CC2D2A: variants seen among roughly 807,000 people sequenced by gnomAD.
The protein encoded by CC2D2A is coiled-coil and C2 domain containing 2A.
CC2D2A carries 155 observed loss-of-function variants against 212.9 expected under a neutral mutation model. The ratio of observed to expected loss-of-function variants is 0.73; its 90% CI spans 0.64 to 0.83. The LOEUF (loss-of-function observed/expected upper bound fraction) is 0.83. Among genes scored for constraint, CC2D2A ranks in the 40% least tolerant of loss-of-function variants. The probability of loss-of-function intolerance (pLI) is 0.00; values close to 1 mark genes in which losing one functional copy is unlikely to be tolerated. For missense variants in CC2D2A, 1,856 were observed against 1,956.2 expected (o/e 0.95, Z 0.97); for synonymous variants, 667 against 686.5 (o/e 0.97, Z 0.44).
intron 2 of CC2D2A, among the ~76,000 whole-genome samples, chr4:15,478,442 T>A (rs925477907): frequency 6.6e-6 from 1 of 152,222 alleles, no homozygotes; most frequent in Non-Finnish European, 1.5e-5. Context: ...ACATAGTAAA[T>A]GCTCAATAAA....
At chr4:15,524,383 G>C (rs1453325161) in intron 11 of CC2D2A, among the ~76,000 whole-genome samples, 1 of 151,486 alleles carries the variant, frequency 6.6e-6, no homozygotes, top group Admixed American at 6.6e-5. Flanking sequence ...CACCCGCCTT[G>C]GCCTCCCAAA....
rs1720585942 is a variant in CC2D2A at position 15,579,954 on chromosome 4, C to G, written c.3772-14C>G. 2 of 1,603,808 alleles carry G rather than the reference C, an allele frequency of 1.2e-6. No individual in the cohort carries two copies. The highest frequency in any genetic ancestry group is 1.7e-5 in the Admixed American group (1 of 59,886). On this transcript the variant is annotated splice_polypyrimidine_tract_variant and intron_variant, in intron 29 of 36. Coordinates refer to ENST00000424120, the MANE Select transcript of CC2D2A (RefSeq NM_001378615.1). ...TAATCATACATAAACTCCATGAAGT[C>G]TTTCTTTTTGAAGTTTGAGTCTCAG...
intron 10 of CC2D2A, among the ~76,000 whole-genome samples, chr4:15,516,285 T>A (rs1214499409): frequency 6.6e-6 from 1 of 152,252 alleles, no homozygotes; most frequent in South Asian, 2.1e-4. Context: ...ACAGAATTTT[T>A]AAATTATCCA....
At chr4:15,528,008 TTC>T (rs1297041984) in intron 12 of CC2D2A, among the ~76,000 whole-genome samples, 4 of 152,202 alleles carry the variant, frequency 2.6e-5, no homozygotes, top group African/African-American at 7.2e-5. Context: ...CTTAGAAACA[TTC>T]TCATCTTGAT....
In CC2D2A at chr4:15,579,962, TTG is replaced by T. The variant is rs1484994421; in HGVS notation, c.3772-5_3772-4del. 1.2e-6 allele frequency: 2 copies of T among 1,609,970 alleles called. No homozygotes were observed. Among genetic ancestry groups the T allele is most frequent in the African/African-American group, 2.7e-5 (2 of 74,786 alleles). On this transcript the variant is annotated splice_polypyrimidine_tract_variant and splice_region_variant and intron_variant, in intron 29 of 36. Coordinates refer to ENST00000424120, the MANE Select transcript of CC2D2A (RefSeq NM_001378615.1). ...CATAAACTCCATGAAGTCTTTCTTT[TTG>T]AAGTTTGAGTCTCAGGAAGATGAGA...
Position 15,601,296 on chromosome 4 carries a change from G to GTA in CC2D2A, c.4737_4738dup (p.Ser1580IlefsTer17). 6.2e-7 allele frequency: 1 copy of GTA among 1,612,654 alleles called. No individual in the cohort carries two copies. The highest frequency in any genetic ancestry group is 1.1e-5 in the South Asian group (1 of 90,912). Reference sequence around the variant, plus strand: ...AAGTGAAGCCTTTAATTGACGCTGTGTATAGTACTGGAGTACATAATATTG... The same window carrying GTA: ...AAGTGAAGCCTTTAATTGACGCTGTGTATATAGTACTGGAGTACATAATATTG... On this transcript the variant is annotated frameshift_variant, in exon 37 of 37. Coordinates refer to ENST00000424120, the MANE Select transcript of CC2D2A (RefSeq NM_001378615.1). LOFTEE classifies it high-confidence loss of function.
intron 2 of CC2D2A, 72 bp from the exon 3 acceptor site, chr4:15,478,651 T>C: frequency 8.3e-7 from 1 of 1,198,794 alleles, no homozygotes; most frequent in Non-Finnish European, 1.2e-6. Flanking sequence ...GATGGGAGTT[T>C]TAATTTTAAT....
At chr4:15,519,609 G>A in intron 11 of CC2D2A, 1 of 436,012 alleles carries the variant, frequency 2.3e-6, no homozygotes, top group South Asian at 1.7e-5. Flanking sequence ...AGGTTTAATG[G>A]ACTTACAGTT....
chr4:15,570,889 G>GA (rs1026907519), intron 28 of CC2D2A, among the ~76,000 whole-genome samples: 45 of 151,916 alleles, frequency 3.0e-4, no homozygotes, highest in African/African-American at 1.1e-3. Flanking sequence ...CTCCATGTCA[G>GA]AAAAAACAAA....
chr4:15,510,463 G>A (rs558886620), intron 7 of CC2D2A, among the ~76,000 whole-genome samples: 1 of 152,238 alleles, frequency 6.6e-6, no homozygotes, highest in East Asian at 1.9e-4. Flanking sequence ...AGACATGGTG[G>A]CACACACCTG....
At chr4:15,478,827 G>T (rs1308530429) in intron 3 of CC2D2A, 21 bp downstream of exon 3, 12 of 1,530,614 alleles carry the variant, frequency 7.8e-6, no homozygotes, top group Non-Finnish European at 1.1e-5. Flanking sequence ...ACAAGAAACT[G>T]TGTCTGCGTA....
chr4:15,545,113 C>G (rs747644778), intron 17 of CC2D2A, among the ~76,000 whole-genome samples: 8 of 152,224 alleles, frequency 5.3e-5, no homozygotes, highest in Admixed American at 1.3e-4. Flanking sequence ...TACTGTATTT[C>G]AAGTCTCTAG....
In CC2D2A at chr4:15,560,844, C is replaced by G. The variant is rs67222859; in HGVS notation, c.3014+222C>G. Among the ~76,000 whole-genome samples the G allele has an allele frequency of 0.14, 21,176 of 152,136 alleles. 1,556 individuals are homozygous for G. Among genetic ancestry groups the G allele is most frequent in the Non-Finnish European group, 0.15 (10,290 of 67,966 alleles). The stretch of plus-strand genomic sequence containing the variant: ...GCCTCTCCCATTGCATTCCAACAAA[C>G]CCCATCTCACCTCCCCTACTTCCAA... On this transcript the variant is annotated intron_variant, in intron 23 of 36. Transcript: ENST00000424120.
At chr4:15,499,276 G>A (rs577639022) in intron 4 of CC2D2A, among the ~76,000 whole-genome samples, 97 of 152,252 alleles carry the variant, frequency 6.4e-4, no homozygotes, top group African/African-American at 2.1e-3. Flanking sequence ...GGTGATTGAT[G>A]CGTCAATGAA....
rs749186859 is a variant in CC2D2A at position 15,553,313 on chromosome 4, A to G, written c.2486+8A>G. 6.8e-6 allele frequency: 11 copies of G among 1,611,344 alleles called. No homozygotes were observed. The highest frequency in any genetic ancestry group is 2.2e-5 in the East Asian group (1 of 44,744). The stretch of plus-strand genomic sequence containing the variant: ...GAACATCGGATTTCGGAGGTAATAC[A>G]TGGCAAGAGTAAATTGATGAGCAAT... On this transcript the variant is annotated splice_region_variant and intron_variant, in intron 19 of 36. Coordinates refer to ENST00000424120, the MANE Select transcript of CC2D2A (RefSeq NM_001378615.1).
At chr4:15,470,439 A>T (rs1322100153) in intron 1 of CC2D2A, among the ~76,000 whole-genome samples, 2 of 152,138 alleles carry the variant, frequency 1.3e-5, no homozygotes, top group African/African-American at 4.8e-5. Context: ...TTGGTATGAG[A>T]CAGAGAAAGG....
chr4:15,578,189 T>A (rs1720492808), intron 29 of CC2D2A, among the ~76,000 whole-genome samples: 1 of 152,226 alleles, frequency 6.6e-6, no homozygotes, highest in South Asian at 2.1e-4. Flanking sequence ...CTTGGCACTA[T>A]GCTCAGCAGC....
At chr4:15,508,170 C>A (rs1299754049) in intron 6 of CC2D2A, among the ~76,000 whole-genome samples, 2 of 152,294 alleles carry the variant, frequency 1.3e-5, no homozygotes, top group Admixed American at 1.3e-4. Context: ...GTGGACAATT[C>A]TGAGAAGCAG....
intron 29 of CC2D2A, among the ~76,000 whole-genome samples, chr4:15,575,074 A>G (rs1450120016): frequency 6.6e-6 from 1 of 152,270 alleles, no homozygotes; most frequent in East Asian, 1.9e-4. Context: ...ATAGTTGTAT[A>G]GCATTTATAC....
Sources: allele counts gnomAD v4.1 joint callset (sites outside exome capture counted in the v4.1 genomes callset), GRCh38; gene constraint gnomAD v4.1.1; transcripts MANE v1.5; gene names NCBI Gene and HGNC (gene_info 2026-07-23, HGNC 2026-07-21).